The following BAG1 variants were observed in gnomAD, a reference collection of about 807,000 sequenced individuals.
BAG1 encodes BAG cochaperone 1.
A neutral mutation model predicts 35.5 loss-of-function variants in BAG1; 35 were observed. The observed-to-expected ratio is 0.99, with a 90% CI of 0.75 to 1.31. BAG1 has a LOEUF of 1.31. Ranked by LOEUF, BAG1 falls within the 50% of genes most tolerant of loss-of-function variation. BAG1 has a pLI of 0.00. For missense variants in BAG1, 464 were observed against 453.6 expected, an observed-to-expected ratio of 1.02 and a Z score of -0.21; for synonymous variants, 191 against 178.9, an observed-to-expected ratio of 1.07 and a Z score of -0.54.
chr9:33,261,064 T>G, intron 3 of BAG1, 23 bp downstream of exon 3: 1 of 1,578,056 alleles, frequency 6.3e-7, no homozygotes, highest in Non-Finnish European at 8.6e-7. Flanking sequence ...TTCTGAGGAT[T>G]TCTGATGGAA....
rs918513298 is a variant in BAG1 at position 33,257,130 on chromosome 9, C to T, written c.778-222G>A. 1.2e-5 allele frequency: 6 copies of T among 494,172 alleles called. No individual in the cohort carries two copies. In the Admixed American group the frequency reaches 1.5e-4, roughly 13 times the overall value. The allele number at this position is 494,172 out of a possible 1,614,324, so 30.6% of individuals were successfully genotyped here. On this transcript the variant is annotated intron_variant, in intron 4 of 6. Transcript: ENST00000634734. ...AGTCTGCTCTACCTCGCATGACCCACTGTGGCTGCAAATGCCTCCTGAGGC... is the reference window on the plus strand; with the variant it reads ...AGTCTGCTCTACCTCGCATGACCCATTGTGGCTGCAAATGCCTCCTGAGGC...
chr9:33,264,427 C>A lies in BAG1; in HGVS notation c.248G>T (p.Ser83Ile), dbSNP rs62640045. The A allele has an allele frequency of 2.5e-5, 40 of 1,614,012 alleles. No homozygotes were observed. In the African/African-American group the frequency reaches 5.3e-4, roughly 22 times the overall value. ...CTCCTCGCTCCGGGTCAACTCCTCG[C>A]TCCGGGTCGAGCGGCGCCGGGTTTT... is the stretch of plus-strand genomic sequence containing the variant. The change falls in exon 1 of 7, where the codon AGC (serine) becomes ATC (isoleucine). Residue 83 changes from serine (S) to isoleucine (I), a missense_variant. Coordinates refer to ENST00000634734, the MANE Select transcript of BAG1 (RefSeq NM_004323.6).
chr9:33,256,353 T>G (rs1587786718), intron 5 of BAG1, among the ~76,000 whole-genome samples: 1 of 152,250 alleles, frequency 6.6e-6, no homozygotes, highest in Admixed American at 6.5e-5. Context: ...AGGCTAGAGA[T>G]ATCATTACTA....
chr9:33,255,821 A>T lies in BAG1; in HGVS notation c.948+44T>A, dbSNP rs556991639. 5 of 1,569,204 alleles carry T rather than the reference A, an allele frequency of 3.2e-6. No homozygotes were observed. In the East Asian group the frequency reaches 1.1e-4, roughly 35 times the overall value. On this transcript the variant is annotated intron_variant, in intron 6 of 6. Transcript: ENST00000634734. ...TGAACAGATAAACACACATACCTAC[A>T]CATTAACATATTACACCTTGTCGTG...
At chr9:33,260,548 G>C (rs182777980) in intron 3 of BAG1, 1 of 152,224 alleles carries the variant, frequency 6.6e-6, no homozygotes, top group South Asian at 2.1e-4. Flanking sequence ...TCACAATGCA[G>C]GGCTGGCCAC....
At position 33,252,959 on chromosome 9, in the gene BAG1, C is replaced by A. The variant is rs1170956883; in HGVS notation, c.*2260G>T. On this transcript the variant is annotated 3_prime_UTR_variant, in exon 7 of 7. Coordinates refer to ENST00000634734, the MANE Select transcript of BAG1 (RefSeq NM_004323.6). ...GGAGAGGGTGCAGTGCATCTGAGGA[C>A]CTGAAAGAAGAGTGGCTGACAGCAG... is the stretch of plus-strand genomic sequence containing the variant. 1 of 152,020 alleles carries A rather than the reference C, an allele frequency of 6.6e-6. No homozygotes were observed. The highest frequency in any genetic ancestry group is 1.5e-5 in the Non-Finnish European group (1 of 68,064). 9.4% of individuals were successfully genotyped at this position (152,020 alleles called of 1,614,324 possible).
intron 3 of BAG1, 85 bp downstream of exon 3, chr9:33,261,002 C>T: frequency 2.7e-6 from 3 of 1,101,836 alleles, no homozygotes; most frequent in South Asian, 1.5e-5. Context: ...AATCTGGGTC[C>T]CCAGTTTGGT....
Position 33,255,226 on chromosome 9 carries a change from G to T in BAG1, c.1031C>A (p.Ala344Asp), listed in dbSNP as rs367820745. 1.2e-6 allele frequency: 2 copies of T among 1,614,072 alleles called. No individual in the cohort carries two copies. The highest frequency in any genetic ancestry group is 1.7e-6 in the Non-Finnish European group (2 of 1,180,042). Residue 344 changes from alanine (A) to aspartate (D), a missense_variant, in exon 7 of 7, where the codon GCC (alanine) becomes GAC (aspartate). By Grantham distance (126) the Ala-to-Asp change is moderately radical (BLOSUM62 -2). Transcript: ENST00000634734. ...GCCTTTTTCTGCTACACCTCACTCG[G>T]CCAGGGCAAAGTTTGTAGACTGCAG...
rs981532996 is a variant in BAG1, at chr9:33,260,965, GT to G, written c.663+121del. On this transcript the variant is annotated intron_variant, in intron 3 of 6. Coordinates refer to ENST00000634734, the MANE Select transcript of BAG1 (RefSeq NM_004323.6). ...TGTAAAACCAATAAAGATTGTATTT[GT>G]TTAGAGAGGTGTTTTATCAATGCAG... 5 of 687,458 alleles carry G rather than the reference GT, an allele frequency of 7.3e-6. No homozygotes were observed. In the African/African-American group the frequency reaches 9.2e-5, roughly 13 times the overall value. 42.6% of individuals were successfully genotyped at this position (687,458 alleles called of 1,614,324 possible). A position where few individuals can be genotyped will look rare whatever the true frequency, so the allele number is the denominator to read the frequency against.
rs374125409 is a variant in BAG1 at position 33,256,913 on chromosome 9, G to C, written c.778-5C>G. On this transcript the variant is annotated splice_region_variant and splice_polypyrimidine_tract_variant and intron_variant, in intron 4 of 6. Coordinates refer to ENST00000634734, the MANE Select transcript of BAG1 (RefSeq NM_004323.6). ...CAAATCCTTGGGCAGAAAACCCTGC[G>C]GGGAAATAATGCATTATTGCAAGGG... The C allele has an allele frequency of 1.2e-6, 2 of 1,611,416 alleles. No individual in the cohort carries two copies. The highest frequency in any genetic ancestry group is 1.7e-6 in the Non-Finnish European group (2 of 1,177,646).
intron 6 of BAG1, 103 bp downstream of exon 6, chr9:33,255,762 A>G: frequency 7.7e-7 from 1 of 1,304,454 alleles, no homozygotes; most frequent in Non-Finnish European, 1.1e-6. Flanking sequence ...AAACAAGCCC[A>G]TACCACACAC....
chr9:33,256,783 A>G lies in BAG1; in HGVS notation c.885+18T>C, dbSNP rs1820462165. 6.3e-7 allele frequency: 1 copy of G among 1,592,128 alleles called. No homozygotes were observed. The highest frequency in any genetic ancestry group is 8.6e-7 in the Non-Finnish European group (1 of 1,161,034). ...AAGTCAAAGAAAACTAGTTCTTCTC[A>G]GCTGAATATTTACTTACCAGTGTGT... On this transcript the variant is annotated intron_variant, in intron 5 of 6. Coordinates refer to ENST00000634734, the MANE Select transcript of BAG1 (RefSeq NM_004323.6).
intron 2 of BAG1, among the ~76,000 whole-genome samples, 160 bp downstream of exon 2, chr9:33,262,542 A>G (rs934595377): frequency 6.6e-6 from 1 of 152,136 alleles, no homozygotes; most frequent in African/African-American, 2.4e-5. Context: ...CTGTAATCCC[A>G]GCTACTTGAG....
At chr9:33,261,835 G>T (rs1002718751) in intron 2 of BAG1, 13 of 954,714 alleles carry the variant, frequency 1.4e-5, no homozygotes, top group Non-Finnish European at 1.6e-5. Flanking sequence ...GGCCAGGAGG[G>T]TGTGGGTCCT....
intron 1 of BAG1, 134 bp from the exon 2 acceptor site, chr9:33,262,964 C>G: frequency 8.0e-7 from 1 of 1,249,528 alleles, no homozygotes; most frequent in Admixed American, 2.8e-5. Flanking sequence ...AGCCTGCCCC[C>G]ATGCCACCCA....
intron 2 of BAG1, chr9:33,262,027 T>G (rs1564081259): frequency 2.5e-6 from 3 of 1,204,942 alleles, no homozygotes; most frequent in Non-Finnish European, 3.2e-6. Context: ...AAAATGATTA[T>G]TTAATAGTAA....
chr9:33,260,740 A>G (rs1309373320), intron 3 of BAG1, among the ~76,000 whole-genome samples: 2 of 152,234 alleles, frequency 1.3e-5, no homozygotes, highest in Non-Finnish European at 2.9e-5. Context: ...AATATCTACA[A>G]GTTTATTTTA....
chr9:33,261,319 G>T, intron 2 of BAG1, 150 bp from the exon 3 acceptor site: 1 of 534,872 alleles, frequency 1.9e-6, no homozygotes, highest in African/African-American at 1.9e-5. Flanking sequence ...TTCATTTCCA[G>T]ATATTTATCC....
At chr9:33,257,166 T>C (rs903788210) in intron 4 of BAG1, 2 of 438,392 alleles carry the variant, frequency 4.6e-6, no homozygotes, top group East Asian at 4.1e-5. Flanking sequence ...TTGGCTCCAG[T>C]GAAGCCCCCA....
Sources: allele counts gnomAD v4.1 joint callset (sites outside exome capture counted in the v4.1 genomes callset), GRCh38; gene constraint gnomAD v4.1.1; transcripts MANE v1.5; gene names NCBI Gene and HGNC (gene_info 2026-07-23, HGNC 2026-07-21).